Variants in VPS41 observed in about 807,000 individuals in gnomAD.
VPS41 encodes vacuolar protein sorting-associated protein 41 homolog.
Under a neutral mutation model 130.9 loss-of-function variants are expected in VPS41, and 85 were observed. That is an observed-to-expected ratio of 0.65 (90% confidence interval 0.55 to 0.78). The LOEUF is 0.78. Among genes scored for constraint, VPS41 ranks in the 30% least tolerant of loss-of-function variants. The probability of loss-of-function intolerance (pLI) is 0.00; values close to 1 mark genes in which losing one functional copy is unlikely to be tolerated. For missense variants in VPS41, 874 were observed against 1,018.7 expected (o/e 0.86, Z 1.93); for synonymous variants, 335 against 332.9 (o/e 1.01, Z -0.07).
rs149665930 is a variant in VPS41, at chr7:38,767,569, C to G, written c.1215G>C (p.Leu405=). The change falls in exon 15 of 29, where the codon CTG becomes CTC. Residue 405 remains leucine, a synonymous_variant. Coordinates refer to ENST00000310301, the MANE Select transcript of VPS41 (RefSeq NM_014396.4). ...CTATGTCATAGTCTCCTCTCTCCAC[C>G]AGGTGATTTATATATGCCAAGCCAA... ...LDIGLAYINH[L]VERGDYDIAA... 17,415 of 1,609,448 alleles carry G rather than the reference C, an allele frequency of 0.011. 138 individuals carry two copies. Among genetic ancestry groups the G allele is most frequent in the Non-Finnish European group, 0.013 (15,154 of 1,177,078 alleles).
rs979256824 is a variant in VPS41 at position 38,830,416 on chromosome 7, C to T, written c.247-88G>A. On this transcript the variant is annotated intron_variant, in intron 4 of 28. Transcript: ENST00000310301. Reference sequence around the variant, plus strand: ...TCTTTGCTCTTTGTAAAATAGTAAGCTCTTTGTTTTCTTCTTAAATAATGA... The same window carrying T: ...TCTTTGCTCTTTGTAAAATAGTAAGTTCTTTGTTTTCTTCTTAAATAATGA... 11 of 845,118 alleles carry T rather than the reference C, an allele frequency of 1.3e-5. No individual in the cohort carries two copies. In the South Asian group the frequency reaches 1.4e-4, roughly 10 times the overall value. 52.4% of individuals were successfully genotyped at this position (845,118 alleles called of 1,614,324 possible). A position where few individuals can be genotyped will look rare whatever the true frequency, so the allele number is the denominator to read the frequency against.
intron 25 of VPS41, 94 bp downstream of exon 25, chr7:38,741,890 GT>G: frequency 6.9e-7 from 1 of 1,455,790 alleles, no homozygotes; most frequent in East Asian, 2.3e-5. Context: ...AAAATCGAAA[GT>G]TTTTAACTGA....
At chr7:38,900,385 G>A (rs1787115018) in intron 1 of VPS41, among the ~76,000 whole-genome samples, 1 of 151,968 alleles carries the variant, frequency 6.6e-6, no homozygotes, top group Non-Finnish European at 1.5e-5. Context: ...GTAGAGAATG[G>A]CAGACCACGG....
At chr7:38,904,722 T>C (rs2116461969) in intron 1 of VPS41, among the ~76,000 whole-genome samples, 2 of 152,358 alleles carry the variant, frequency 1.3e-5, no homozygotes, top group East Asian at 1.9e-4. Context: ...TTGATTTTTA[T>C]TGTAACATAA....
chr7:38,755,393 AG>A (rs1291058163), intron 19 of VPS41, among the ~76,000 whole-genome samples: 1 of 152,178 alleles, frequency 6.6e-6, no homozygotes, highest in Admixed American at 6.5e-5. Context: ...TTTTATGAGG[AG>A]AAGGGAATAA....
intron 4 of VPS41, among the ~76,000 whole-genome samples, chr7:38,841,187 GC>G (rs1269415670): frequency 6.6e-6 from 1 of 152,178 alleles, no homozygotes; most frequent in East Asian, 1.9e-4. Flanking sequence ...CATTTAAACT[GC>G]ATCACAGTCA....
chr7:38,830,378 T>A, intron 4 of VPS41, 50 bp from the exon 5 acceptor site: 3 of 1,067,406 alleles, frequency 2.8e-6, no homozygotes, highest in Non-Finnish European at 2.9e-6. Flanking sequence ...AAAATATATA[T>A]CAACAATCAA....
chr7:38,824,632 A>C (rs1459327676), intron 5 of VPS41, among the ~76,000 whole-genome samples: 1 of 152,222 alleles, frequency 6.6e-6, no homozygotes, highest in African/African-American at 2.4e-5. Context: ...CTAAAGTGTA[A>C]GAAGAGTAGA....
chr7:38,761,450 ATTT>A (rs201050545), intron 17 of VPS41, among the ~76,000 whole-genome samples: 1 of 135,606 alleles, frequency 7.4e-6, no homozygotes, highest in Non-Finnish European at 1.6e-5. Context: ...TAATTTTTGT[ATTT>A]TTTTTTTTTT....
intron 4 of VPS41, 134 bp from the exon 5 acceptor site, chr7:38,830,462 C>A: frequency 1.4e-6 from 1 of 710,646 alleles, no homozygotes; most frequent in Non-Finnish European, 2.5e-6. Context: ...CTATCTTACA[C>A]AAAGCACAGT....
At chr7:38,770,104 T>C (rs1784125615) in intron 14 of VPS41, among the ~76,000 whole-genome samples, 1 of 152,070 alleles carries the variant, frequency 6.6e-6, no homozygotes, top group Admixed American at 6.6e-5. Context: ...GTCCCGTCTC[T>C]ACTAAAAATA....
intron 25 of VPS41, among the ~76,000 whole-genome samples, chr7:38,741,632 T>C (rs1035186297): frequency 3.3e-5 from 5 of 152,214 alleles, no homozygotes; most frequent in Admixed American, 1.3e-4. Flanking sequence ...CCTAAAAATG[T>C]TGGGGTGGCC....
chr7:38,746,734 G>C (rs554462416), intron 22 of VPS41, among the ~76,000 whole-genome samples: 1 of 152,100 alleles, frequency 6.6e-6, no homozygotes, highest in Non-Finnish European at 1.5e-5. Context: ...TTAAAGCTGA[G>C]AATCTCTACC....
chr7:38,727,432 T>G (rs1020724673), intron 27 of VPS41, among the ~76,000 whole-genome samples: 1 of 152,190 alleles, frequency 6.6e-6, no homozygotes, highest in Non-Finnish European at 1.5e-5. Context: ...GACCTTGCAT[T>G]TTACTGCACT....
rs1300302688 is a variant in VPS41, at chr7:38,753,082, C to T, written c.1789-769G>A. ...CAAGATTAAGTCTATCAATACAGTA[C>T]TCAGAAGTCAAAAAACAATTCAATG... On this transcript the variant is annotated intron_variant, in intron 21 of 28. Coordinates refer to ENST00000310301, the MANE Select transcript of VPS41 (RefSeq NM_014396.4). Among the ~76,000 whole-genome samples the T allele has an allele frequency of 2.0e-5, 3 of 152,228 alleles. No individual in the cohort carries two copies. The East Asian group carries it at 5.8e-4, about 29-fold the overall frequency.
chr7:38,737,024 G>T (rs1484668861), intron 25 of VPS41, among the ~76,000 whole-genome samples: 2 of 152,074 alleles, frequency 1.3e-5, no homozygotes, highest in Non-Finnish European at 2.9e-5. Flanking sequence ...AAAGGAAGTT[G>T]GGCAATGCCT....
chr7:38,767,869 C>T (rs192622776), intron 14 of VPS41, among the ~76,000 whole-genome samples: 1 of 151,688 alleles, frequency 6.6e-6, no homozygotes, highest in Non-Finnish European at 1.5e-5. Flanking sequence ...CTAATCTGCC[C>T]CCTTTAAGAC....
chr7:38,763,133 C>G (rs148952587), intron 17 of VPS41, among the ~76,000 whole-genome samples: 192 of 152,196 alleles, frequency 1.3e-3, no homozygotes, highest in African/African-American at 4.4e-3. Context: ...ACTCATAATT[C>G]TCTTTCTTCT....
At chr7:38,774,092 G>C in intron 12 of VPS41, 23 bp downstream of exon 12, 2 of 1,571,766 alleles carry the variant, frequency 1.3e-6, no homozygotes, top group Non-Finnish European at 1.7e-6. Context: ...AAGCATATCA[G>C]CCAGATCTTT....
Sources: allele counts gnomAD v4.1 joint callset (sites outside exome capture counted in the v4.1 genomes callset), GRCh38; gene constraint gnomAD v4.1.1; transcripts MANE v1.5; gene names NCBI Gene and HGNC (gene_info 2026-07-23, HGNC 2026-07-21).